LSM1: variants seen among roughly 807,000 people sequenced by gnomAD.
The protein encoded by LSM1 is U6 snRNA-associated Sm-like protein LSm1.
LSM1 carries 13 observed loss-of-function variants against 18.0 expected under a neutral mutation model. That is an observed-to-expected ratio of 0.72 (90% CI 0.47 to 1.15). The LOEUF (loss-of-function observed/expected upper bound fraction) is 1.15, where lower values mean the gene tolerates loss of function less well. Ranked by LOEUF, LSM1 falls within the 50% of genes most tolerant of loss-of-function variation. LSM1 has a pLI of 0.00. For missense variants in LSM1, 152 were observed against 157.7 expected, an observed-to-expected ratio of 0.96 and a Z score of 0.19; for synonymous variants, 46 against 56.0, an observed-to-expected ratio of 0.82 and a Z score of 0.80.
At chr8:38,165,589 C>T (rs959565143) in intron 3 of LSM1, among the ~76,000 whole-genome samples, 11 of 148,820 alleles carry the variant, frequency 7.4e-5, no homozygotes, top group South Asian at 2.1e-4. Context: ...CCCAGCTACT[C>T]GGGAAGCTGA....
At chr8:38,176,062 G>A in intron 1 of LSM1, 1 of 481,604 alleles carries the variant, frequency 2.1e-6, no homozygotes. Flanking sequence ...GAGGGCTGGC[G>A]GAGGCTGCGA....
At chr8:38,167,354 T>G (rs1046906896) in intron 3 of LSM1, among the ~76,000 whole-genome samples, 2 of 152,178 alleles carry the variant, frequency 1.3e-5, no homozygotes, top group African/African-American at 4.8e-5. Context: ...CTGTGAATAT[T>G]TTCTTGAGAA....
Position 38,163,550 on chromosome 8 carries a change from A to C in LSM1, c.*120T>G, listed in dbSNP as rs1802876921. The C allele has an allele frequency of 1.2e-6, 1 of 842,396 alleles. No individual in the cohort carries two copies. The highest frequency in any genetic ancestry group is 3.0e-5 in the Admixed American group (1 of 33,888). 52.2% of individuals were successfully genotyped at this position (842,396 alleles called of 1,614,324 possible). On this transcript the variant is annotated 3_prime_UTR_variant, in exon 4 of 4. Transcript: ENST00000311351. ...ATGTTGCATATGTAAAATAATTAAA[A>C]ATAAAAGTGACTTTTCAAAACTCTA...
chr8:38,174,918 G>A (rs946547184), intron 1 of LSM1, among the ~76,000 whole-genome samples: 5 of 150,898 alleles, frequency 3.3e-5, no homozygotes, highest in African/African-American at 9.7e-5. Flanking sequence ...CAGTTACTTG[G>A]GAGGCTGAGG....
intron 1 of LSM1, among the ~76,000 whole-genome samples, chr8:38,174,457 G>T (rs1181121642): frequency 6.6e-6 from 1 of 152,088 alleles, no homozygotes; most frequent in East Asian, 1.9e-4. Context: ...GGAGCAAAGG[G>T]TGCATATCAA....
intron 3 of LSM1, among the ~76,000 whole-genome samples, chr8:38,167,672 G>A (rs375449947): frequency 6.6e-6 from 1 of 152,052 alleles, no homozygotes; most frequent in African/African-American, 2.4e-5. Flanking sequence ...CCTCTGATAC[G>A]TTGCCTCTTC....
At chr8:38,165,683 T>G (rs1462476721) in intron 3 of LSM1, among the ~76,000 whole-genome samples, 2 of 144,992 alleles carry the variant, frequency 1.4e-5, no homozygotes, top group Non-Finnish European at 1.5e-5. Flanking sequence ...GGCGACAGAG[T>G]AAGACTCTGT....
intron 3 of LSM1, among the ~76,000 whole-genome samples, chr8:38,168,937 A>G (rs1802982195): frequency 6.6e-6 from 1 of 152,148 alleles, no homozygotes; most frequent in South Asian, 2.1e-4. Context: ...AATGGCTACA[A>G]ACCAAACCAC....
intron 1 of LSM1, among the ~76,000 whole-genome samples, chr8:38,175,025 CAAAAAAA>C (rs1203614273): frequency 1.1e-4 from 6 of 57,098 alleles, no homozygotes; most frequent in Non-Finnish European, 1.3e-4. Context: ...GACTCTGTCT[CAAAAAAA>C]AAAAAAAAAA....
Position 38,163,424 on chromosome 8 carries a change from T to C in LSM1, c.*246A>G, listed in dbSNP as rs551412169. ...GGATATGAAGAACAATATAAAGAAGTAGTTGCTGGTGCCACAGTGATGTGT... is the reference window on the plus strand; with the variant it reads ...GGATATGAAGAACAATATAAAGAAGCAGTTGCTGGTGCCACAGTGATGTGT... On this transcript the variant is annotated 3_prime_UTR_variant, in exon 4 of 4. Transcript: ENST00000311351. 4.5e-5 allele frequency: 17 copies of C among 378,986 alleles called. 1 individual carries two copies. The South Asian group carries it at 1.1e-3, about 24-fold the overall frequency. The allele number at this position is 378,986 out of a possible 1,614,324, so 23.5% of individuals were successfully genotyped here. A position where few individuals can be genotyped will look rare whatever the true frequency, so the allele number is the denominator to read the frequency against.
At chr8:38,164,612 A>G (rs1466438002) in intron 3 of LSM1, among the ~76,000 whole-genome samples, 1 of 151,162 alleles carries the variant, frequency 6.6e-6, no homozygotes, top group East Asian at 2.0e-4. Flanking sequence ...ACTTGGGCCT[A>G]GGAGTTCGAG....
intron 2 of LSM1, 127 bp downstream of exon 2, chr8:38,171,838 A>G (rs1202078273): frequency 1.3e-5 from 9 of 695,602 alleles, no homozygotes; most frequent in Non-Finnish European, 2.0e-5. Context: ...TGTACTCACT[A>G]AAATCAGTCC....
At chr8:38,173,954 A>G (rs773942657) in intron 1 of LSM1, among the ~76,000 whole-genome samples, 1 of 152,246 alleles carries the variant, frequency 6.6e-6, no homozygotes, top group Non-Finnish European at 1.5e-5. Context: ...AAAATCACCA[A>G]GTACCAGTTG....
chr8:38,164,717 T>G (rs1049475161), intron 3 of LSM1, among the ~76,000 whole-genome samples: 1 of 151,828 alleles, frequency 6.6e-6, no homozygotes, highest in African/African-American at 2.4e-5. Flanking sequence ...CAGTTCCAGC[T>G]ACTCAGGAGG....
At chr8:38,168,865 G>A (rs1448632604) in intron 3 of LSM1, among the ~76,000 whole-genome samples, 1 of 151,898 alleles carries the variant, frequency 6.6e-6, no homozygotes, top group Non-Finnish European at 1.5e-5. Context: ...TCCAATATGA[G>A]GTCTCTGAAC....
chr8:38,176,436 A>C lies in LSM1; in HGVS notation c.-116T>G, dbSNP rs569079072. 78 of 802,242 alleles carry C rather than the reference A, an allele frequency of 9.7e-5. 1 individual carries two copies. In the South Asian group the frequency reaches 1.2e-3, roughly 12 times the overall value. 49.7% of individuals were successfully genotyped at this position (802,242 alleles called of 1,614,324 possible). A position where few individuals can be genotyped will look rare whatever the true frequency, so the allele number is the denominator to read the frequency against. On this transcript the variant is annotated 5_prime_UTR_variant, in exon 1 of 4. Coordinates refer to ENST00000311351, the MANE Select transcript of LSM1 (RefSeq NM_014462.3). ...GACCAAGCCCGGAATCCCGACCGAG[A>C]CCAGCACTTCTGCCCCGGCTTTCAG...
At chr8:38,175,946 CG>C in intron 1 of LSM1, 1 of 277,302 alleles carries the variant, frequency 3.6e-6, no homozygotes, top group Non-Finnish European at 6.8e-6. Flanking sequence ...CAGGAGTGGA[CG>C]GGGGAGAAGC....
chr8:38,176,199 G>A (rs1803139666), intron 1 of LSM1, 76 bp downstream of exon 1: 3 of 1,293,422 alleles, frequency 2.3e-6, no homozygotes, highest in South Asian at 2.4e-5. Context: ...CATTCTACAA[G>A]CTTCTTCGGA....
chr8:38,169,743 AAAG>A, intron 3 of LSM1, 56 bp downstream of exon 3: 1 of 971,438 alleles, frequency 1.0e-6, no homozygotes, highest in South Asian at 1.5e-5. Context: ...AAAGACAAAA[AAAG>A]AAGTCTAACT....
Sources: allele counts gnomAD v4.1 joint callset (sites outside exome capture counted in the v4.1 genomes callset), GRCh38; gene constraint gnomAD v4.1.1; transcripts MANE v1.5; gene names NCBI Gene and HGNC (gene_info 2026-07-23, HGNC 2026-07-21).